The following ZNF69 variants were observed in gnomAD, a reference collection of about 807,000 sequenced individuals.
ZNF69 encodes ZNF3.
A neutral mutation model predicts 50.9 loss-of-function variants in ZNF69; 47 were observed. That is an observed-to-expected ratio of 0.92 (90% CI 0.73 to 1.18). ZNF69 has a LOEUF of 1.18. Ranked by LOEUF, ZNF69 falls within the 50% of genes most tolerant of loss-of-function variation. The pLI is 0.00. For synonymous variants in ZNF69, 216 were observed against 223.1 expected (o/e 0.97, Z 0.29); for missense variants, 717 against 675.1 (o/e 1.06, Z -0.69).
chr19:11,967,013 G>A, the ZNF69 span, among the ~76,000 whole-genome samples: 9 of 152,268 alleles, frequency 5.9e-5, no homozygotes, highest in African/African-American at 1.4e-4. Context: ...AAGACAAGTC[G>A]CAATGTACAG....
chr19:11,937,679 G>A, the ZNF69 span, among the ~76,000 whole-genome samples: 17 of 151,636 alleles, frequency 1.1e-4, no homozygotes, highest in Admixed American at 5.3e-4. Flanking sequence ...TAGTAGAGAC[G>A]GGGTTTCACC....
chr19:11,925,286 G>A, the ZNF69 span: 1,661 of 1,611,412 alleles, frequency 1.0e-3, 20 homozygotes, highest in African/African-American at 0.02. Context: ...GCGTGTGCGG[G>A]ACCAGATGTC....
At chr19:11,978,292 T>G in the ZNF69 span, 1 of 1,614,118 alleles carries the variant, frequency 6.2e-7, no homozygotes, top group East Asian at 2.2e-5. Context: ...TCTTTTAATA[T>G]GAACATCAGA....
At chr19:11,933,479 G>T in the ZNF69 span, among the ~76,000 whole-genome samples, 3 of 147,768 alleles carry the variant, frequency 2.0e-5, no homozygotes, top group Non-Finnish European at 4.4e-5. Context: ...ACAGAAGCGT[G>T]TCACAGGCCT....
the ZNF69 span, among the ~76,000 whole-genome samples, chr19:11,966,036 G>A: frequency 0.083 from 12,663 of 152,140 alleles, 573 homozygotes; most frequent in Middle Eastern, 0.099. Flanking sequence ...AAGGGGGTCT[G>A]TTATCTGCCA....
chr19:11,967,778 A>G, the ZNF69 span, among the ~76,000 whole-genome samples: 8 of 152,236 alleles, frequency 5.3e-5, no homozygotes, highest in Admixed American at 5.2e-4. Flanking sequence ...ATCCTCATAA[A>G]GCAAGTGGAG....
chr19:11,963,769 C>T, the ZNF69 span, among the ~76,000 whole-genome samples: 1 of 152,122 alleles, frequency 6.6e-6, no homozygotes, highest in African/African-American at 2.4e-5. Context: ...GCTCCGGGCC[C>T]TAGATCCGCG....
the ZNF69 span, among the ~76,000 whole-genome samples, chr19:11,921,800 GC>G: frequency 1.3e-5 from 2 of 152,164 alleles, no homozygotes; most frequent in African/African-American, 4.8e-5. Context: ...ACTGCGCCCG[GC>G]CCTGAAATGG....
chr19:11,891,861 T>C (rs1977096966), intron 1 of ZNF69, among the ~76,000 whole-genome samples: 2 of 152,184 alleles, frequency 1.3e-5, no homozygotes, highest in Admixed American at 1.3e-4. Context: ...GAACTTAAAT[T>C]GGTGTTTCTC....
the ZNF69 span, among the ~76,000 whole-genome samples, chr19:11,943,462 C>T: frequency 8.5e-5 from 13 of 152,258 alleles, no homozygotes; most frequent in South Asian, 4.1e-4. Flanking sequence ...CCATATGATC[C>T]GGTTGAGCAT....
downstream of ZNF69, among the ~76,000 whole-genome samples, chr19:11,908,944 A>G (rs1411658137): frequency 2.6e-5 from 4 of 152,204 alleles, no homozygotes; most frequent in African/African-American, 9.6e-5. Context: ...TAAAGAAGAA[A>G]AGAGAGAAGA....
At chr19:11,965,967 T>C in the ZNF69 span, among the ~76,000 whole-genome samples, 4 of 151,914 alleles carry the variant, frequency 2.6e-5, no homozygotes, top group Non-Finnish European at 5.9e-5. Context: ...TAGGTGGCAG[T>C]TGATTGAGAG....
At chr19:11,958,895 A>AT in the ZNF69 span, among the ~76,000 whole-genome samples, 3 of 151,826 alleles carry the variant, frequency 2.0e-5, no homozygotes, top group Admixed American at 6.6e-5. Context: ...TTATTTATTT[A>AT]TTTTTCAAAC....
At chr19:11,934,558 C>T in the ZNF69 span, among the ~76,000 whole-genome samples, 16 of 147,520 alleles carry the variant, frequency 1.1e-4, no homozygotes, top group Non-Finnish European at 2.2e-4. Flanking sequence ...TGCAGTTTCG[C>T]TTTTGTTTCC....
At chr19:11,961,138 C>T in the ZNF69 span, among the ~76,000 whole-genome samples, 2 of 152,084 alleles carry the variant, frequency 1.3e-5, no homozygotes, top group African/African-American at 4.8e-5. Context: ...ATGTACAAGC[C>T]CTAAACCCCA....
At chr19:11,922,416 A>G in the ZNF69 span, among the ~76,000 whole-genome samples, 315 of 152,286 alleles carry the variant, frequency 2.1e-3, 2 homozygotes, top group African/African-American at 6.7e-3. Flanking sequence ...GCCAGTGCGT[A>G]CCTAAAATAT....
chr19:11,978,041 A>G, the ZNF69 span: 1 of 1,550,582 alleles, frequency 6.4e-7, no homozygotes, highest in African/African-American at 1.4e-5. Context: ...GACCATGTTA[A>G]AAATGCAAGT....
chr19:11,936,469 G>A, the ZNF69 span, among the ~76,000 whole-genome samples: 1 of 152,130 alleles, frequency 6.6e-6, no homozygotes, highest in South Asian at 2.1e-4. Context: ...TGTGTCTGTT[G>A]GCTGCATAAA....
At chr19:11,945,281 C>G in the ZNF69 span, among the ~76,000 whole-genome samples, 8 of 152,196 alleles carry the variant, frequency 5.3e-5, no homozygotes, top group Admixed American at 2.0e-4. Flanking sequence ...TTGGGATCCA[C>G]AGTCTGCAGA....
Sources: gnomAD v4.1 joint callset for allele counts (sites outside exome capture counted in the v4.1 genomes callset) on GRCh38, gnomAD v4.1.1 for gene constraint, MANE v1.5 for transcripts, NCBI Gene and HGNC (gene_info 2026-07-23, HGNC 2026-07-21) for gene names.